The following LRRC8C variants were observed in gnomAD, a reference collection of about 807,000 sequenced individuals.
The protein encoded by LRRC8C is volume-regulated anion channel subunit LRRC8C.
Under a neutral mutation model 55.3 loss-of-function variants are expected in LRRC8C, and 20 were observed. The ratio of observed to expected loss-of-function variants is 0.36; its 90% confidence interval spans 0.25 to 0.53. The LOEUF is 0.53. Among genes scored for constraint, LRRC8C ranks in the 20% least tolerant of loss-of-function variants. LRRC8C has a pLI of 0.92. For missense variants in LRRC8C, 659 were observed against 951.4 expected, an observed-to-expected ratio of 0.69 and a Z score of 4.04; for synonymous variants, 376 against 360.7, an observed-to-expected ratio of 1.04 and a Z score of -0.48.
rs375214725 is a variant in LRRC8C, at chr1:89,715,386, T to C, written c.*404T>C. On this transcript the variant is annotated 3_prime_UTR_variant, in exon 3 of 3. Transcript: ENST00000370454. ...GGTTCTTATTTTTGTTTTCATTGTG[T>C]GTGTATCAAGGAATCTGTGCTAGTT... The C allele has an allele frequency of 6.5e-6, 1 of 153,716 alleles. No homozygotes were observed. Among genetic ancestry groups the C allele is most frequent in the South Asian group, 2.1e-4 (1 of 4,854 alleles). 9.5% of individuals were successfully genotyped at this position (153,716 alleles called of 1,614,324 possible).
At chr1:89,670,996 A>G (rs1657396483) in intron 1 of LRRC8C, among the ~76,000 whole-genome samples, 1 of 152,136 alleles carries the variant, frequency 6.6e-6, no homozygotes, top group Admixed American at 6.6e-5. Flanking sequence ...AAAGGGGATA[A>G]TACATTTTTT....
rs1438130943 is a variant in LRRC8C, at chr1:89,715,683, A to T, written c.*701A>T. 2 of 152,210 alleles carry T rather than the reference A, an allele frequency of 1.3e-5. No homozygotes were observed. Among genetic ancestry groups the T allele is most frequent in the Non-Finnish European group, 2.9e-5 (2 of 68,038 alleles). 9.4% of individuals were successfully genotyped at this position (152,210 alleles called of 1,614,324 possible). On this transcript the variant is annotated 3_prime_UTR_variant, in exon 3 of 3. Transcript: ENST00000370454. ...CATTTTAAAAATATTTAAAACCTAA[A>T]TACAGAGGCTCCTCCCACCTTAATC...
At chr1:89,622,490 T>A in the LRRC8C span, among the ~76,000 whole-genome samples, 2 of 151,852 alleles carry the variant, frequency 1.3e-5, no homozygotes, top group African/African-American at 4.8e-5. Flanking sequence ...CCGCCAACAC[T>A]CCTGGCTAAT....
intron 1 of LRRC8C, among the ~76,000 whole-genome samples, chr1:89,637,106 G>A (rs6428562): frequency 0.56 from 84,532 of 151,842 alleles, 23,938 homozygotes; most frequent in East Asian, 0.79. Context: ...CTGGAAAGCT[G>A]TCATTCTTAA....
chr1:89,707,414 C>CAA (rs144134392), intron 2 of LRRC8C, among the ~76,000 whole-genome samples: 10 of 151,338 alleles, frequency 6.6e-5, no homozygotes, highest in African/African-American at 2.4e-4. Flanking sequence ...CTAAAAAAAA[C>CAA]AAAAACAAAA....
chr1:89,629,925 AAGG>A (rs1656062413), upstream of LRRC8C: 1 of 152,176 alleles, frequency 6.6e-6, no homozygotes, highest in African/African-American at 2.4e-5. Context: ...TTGGGAGGCC[AAGG>A]CGGGTGGATC....
Position 89,714,548 on chromosome 1 carries a change from A to G in LRRC8C, c.1978A>G (p.Thr660Ala). The change falls in exon 3 of 3, where the codon ACC (threonine) becomes GCC (alanine). Residue 660 changes from threonine (T) to alanine (A), a missense_variant. Around this residue, in one of 5 missense-constraint regions of LRRC8C, gnomAD observed 344 missense variants for 464.6 expected, o/e 0.74. Coordinates refer to ENST00000370454, the MANE Select transcript of LRRC8C (RefSeq NM_032270.5). This position sits in a 1 kb window ranked among gnomAD's most constrained non-coding sequence, Gnocchi z 4.6. ...TYIPEHIKKLTSLERLSFSHN... is the reference protein window; with the variant it reads ...TYIPEHIKKLASLERLSFSHN... ...CATCCCAGAGCATATAAAGAAACTC[A>G]CCAGCCTGGAACGCCTGTCCTTTAG... is the stretch of plus-strand genomic sequence containing the variant. The G allele has an allele frequency of 6.2e-7, 1 of 1,614,156 alleles. No individual in the cohort carries two copies. The highest frequency in any genetic ancestry group is 8.5e-7 in the Non-Finnish European group (1 of 1,180,012).
rs561012627 is a variant in LRRC8C at position 89,664,985 on chromosome 1, A to G, written c.-4-21485A>G. Among the ~76,000 whole-genome samples, 6 of 152,260 alleles carry G rather than the reference A, an allele frequency of 3.9e-5. No individual in the cohort carries two copies. In the East Asian group the frequency reaches 1.2e-3, roughly 29 times the overall value. ...GAATGCTTGTGATTTTTACACATTG[A>G]TTTTGTATCCTGAGACTTTGCTGAA... On this transcript the variant is annotated intron_variant, in intron 1 of 2. Coordinates refer to ENST00000370454, the MANE Select transcript of LRRC8C (RefSeq NM_032270.5).
rs760642720 is a variant in LRRC8C, at chr1:89,712,820, C to T, written c.250C>T (p.Pro84Ser). The T allele has an allele frequency of 1.9e-6, 3 of 1,614,214 alleles. No individual in the cohort carries two copies. The highest frequency in any genetic ancestry group is 2.2e-5 in the South Asian group (2 of 91,084). Residue 84 changes from proline (P) to serine (S), a missense_variant, in exon 3 of 3, where the codon CCT (proline) becomes TCT (serine). Pro to Ser is a moderately conservative substitution (Grantham distance 74, BLOSUM62 -1). Around this residue, in one of 5 missense-constraint regions of LRRC8C, gnomAD observed 82 missense variants for 71.4 expected, o/e 1.15. Coordinates refer to ENST00000370454, the MANE Select transcript of LRRC8C (RefSeq NM_032270.5). ...TGCCAGTACCACTCCACTGCCTCCA[C>T]CTAAACCATCTCCTGCTAACCCCAT... ...AVASTTPLPP[P>S]KPSPANPITV...
intron 1 of LRRC8C, among the ~76,000 whole-genome samples, chr1:89,656,748 A>G (rs1656954345): frequency 6.6e-6 from 1 of 152,244 alleles, no homozygotes; most frequent in African/African-American, 2.4e-5. Flanking sequence ...TTCCATGAAC[A>G]GCAGATATAG....
rs1658055229 is a variant in LRRC8C at position 89,692,602 on chromosome 1, G to A, written c.138+5991G>A. On this transcript the variant is annotated intron_variant, in intron 2 of 2. Transcript: ENST00000370454. The stretch of plus-strand genomic sequence containing the variant: ...CAAATATTTATTCATTTCTGAGCAA[G>A]TAGCTCTTTTCAAGGCTGCCATGAA... 2.0e-5 allele frequency among the ~76,000 whole-genome samples: 3 copies of A among 152,150 alleles called. No homozygotes were observed. The South Asian group carries it at 6.2e-4, about 32-fold the overall frequency.
chr1:89,639,832 A>G (rs555301083), intron 1 of LRRC8C, among the ~76,000 whole-genome samples: 95 of 152,368 alleles, frequency 6.2e-4, no homozygotes, highest in African/African-American at 2.2e-3. Flanking sequence ...CTACTATTTT[A>G]GATTCTGATG....
upstream of LRRC8C, among the ~76,000 whole-genome samples, chr1:89,631,352 A>G (rs1656104331): frequency 6.6e-6 from 1 of 152,174 alleles, no homozygotes; most frequent in Non-Finnish European, 1.5e-5. Flanking sequence ...CTAAGGTTCA[A>G]TGATTCCTTG....
At chr1:89,618,450 C>T in the LRRC8C span, among the ~76,000 whole-genome samples, 37 of 152,108 alleles carry the variant, frequency 2.4e-4, no homozygotes, top group Non-Finnish European at 4.7e-4. Flanking sequence ...CTACTCTGGG[C>T]CAGCCATTCA....
rs1455910589 is a variant in LRRC8C at position 89,659,053 on chromosome 1, TTTTTTTTTTGTGTGTGTG to T, written c.-5+25733_-5+25750del. Among the ~76,000 whole-genome samples, 5 of 59,370 alleles carry T rather than the reference TTTTTTTTTTGTGTGTGTG, an allele frequency of 8.4e-5. 1 individual carries two copies. The highest frequency in any genetic ancestry group is 0.014 in the Middle Eastern group (2 of 138). The allele number at this position is 59,370 out of a possible 152,430, so 38.9% of individuals were successfully genotyped here. A position where few individuals can be genotyped will look rare whatever the true frequency, so the allele number is the denominator to read the frequency against. On this transcript the variant is annotated intron_variant, in intron 1 of 2. Transcript: ENST00000370454. ...TTAGGTTGTGTCTTCTCCAGGTTTT[TTTTTTTTTTGTGTGTGTG>T]TGTGTGTGTGTGTGTGTGTGTGTGT... is the stretch of plus-strand genomic sequence containing the variant.
chr1:89,707,635 G>T lies in LRRC8C; in HGVS notation c.139-5074G>T, dbSNP rs865967406. On this transcript the variant is annotated intron_variant, in intron 2 of 2. Coordinates refer to ENST00000370454, the MANE Select transcript of LRRC8C (RefSeq NM_032270.5). ...AAATGCATTCATAAAAGGTGTGGCT[G>T]GTGTGTGTGTGTGTGAGTGTGTGTG... 2.4e-4 allele frequency among the ~76,000 whole-genome samples: 34 copies of T among 140,918 alleles called. 1 individual carries two copies. Among genetic ancestry groups the T allele is most frequent in the African/African-American group, 8.9e-4 (34 of 38,168 alleles). 92.4% of individuals were successfully genotyped at this position (140,918 alleles called of 152,430 possible). A position where few individuals can be genotyped will look rare whatever the true frequency, so the allele number is the denominator to read the frequency against.
At position 89,673,517 on chromosome 1, in the gene LRRC8C, A is replaced by G. The variant is rs377673592; in HGVS notation, c.-4-12953A>G. Among the ~76,000 whole-genome samples the G allele has an allele frequency of 4.6e-5, 7 of 152,216 alleles. No individual in the cohort carries two copies. The East Asian group carries it at 1.2e-3, about 25-fold the overall frequency. On this transcript the variant is annotated intron_variant, in intron 1 of 2. Coordinates refer to ENST00000370454, the MANE Select transcript of LRRC8C (RefSeq NM_032270.5). ...TGTACCGTTTGTCAATGAAGATGGC[A>G]CTGTTTTTGGTCTTGTTCCAAGTTA...
rs146538820 is a variant in LRRC8C at position 89,659,373 on chromosome 1, A to G, written c.-5+26051A>G. Reference sequence around the variant, plus strand: ...TTAGATTAACCAGTTCTAAAAACAGATTACCTGGGTTGTATGCAGGCCCCT... The same window carrying G: ...TTAGATTAACCAGTTCTAAAAACAGGTTACCTGGGTTGTATGCAGGCCCCT... On this transcript the variant is annotated intron_variant, in intron 1 of 2. Transcript: ENST00000370454. Among the ~76,000 whole-genome samples the G allele has an allele frequency of 9.9e-4, 151 of 152,302 alleles. 2 individuals carry two copies. Among genetic ancestry groups the G allele is most frequent in the Middle Eastern group, 6.8e-3 (2 of 294 alleles).
At chr1:89,686,672 CT>C (rs1010618922) in intron 2 of LRRC8C, 61 bp downstream of exon 2, 2 of 1,567,900 alleles carry the variant, frequency 1.3e-6, no homozygotes, top group African/African-American at 1.4e-5. Flanking sequence ...ATTGAAACCT[CT>C]TTAGGGAGCT....
Sources: allele counts gnomAD v4.1 joint callset (sites outside exome capture counted in the v4.1 genomes callset), GRCh38; gene constraint gnomAD v4.1.1; regional missense constraint gnomAD v4.1.1; non-coding constraint Gnocchi (gnomAD v3.1); transcripts MANE v1.5; gene names NCBI Gene and HGNC (gene_info 2026-07-23, HGNC 2026-07-21).